FANCE: variants seen among roughly 807,000 people sequenced by gnomAD.
FANCE encodes Fanconi anemia group E protein.
FANCE carries 42 observed loss-of-function variants against 57.8 expected under a neutral mutation model. That is an observed-to-expected ratio of 0.73 (90% confidence interval 0.57 to 0.94). FANCE has a LOEUF of 0.94. Among genes scored for constraint, FANCE ranks in the 40% least tolerant of loss-of-function variants. The pLI, the probability that FANCE is intolerant of heterozygous loss-of-function variation, is 0.00. For missense variants in FANCE, 608 were observed against 661.8 expected, an observed-to-expected ratio of 0.92 and a Z score of 0.89; for synonymous variants, 251 against 286.4, an observed-to-expected ratio of 0.88 and a Z score of 1.25.
At position 35,462,790 on chromosome 6, in the gene FANCE, T is replaced by C; in HGVS notation, c.1385T>C (p.Val462Ala). The C allele has an allele frequency of 6.2e-7, 1 of 1,614,036 alleles. No homozygotes were observed. Among genetic ancestry groups the C allele is most frequent in the Non-Finnish European group, 8.5e-7 (1 of 1,179,954 alleles). Reference protein sequence around the residue: ...LVLQSLLERQVEMTPEKFSVL... With the variant: ...LVLQSLLERQAEMTPEKFSVL... ...TGCTCCATCTCCCAATGTGTGCAGG[T>C]GGAGATGACCCCTGAGAAGTTCAGT... The change falls in exon 9 of 10, where the codon GTG becomes GCG. Residue 462 changes from valine to alanine, a missense_variant and splice_region_variant. Transcript: ENST00000229769.
rs1433199470 is a variant in FANCE at position 35,466,806 on chromosome 6, G to A, written c.*461G>A. 7.0e-6 allele frequency: 2 copies of A among 284,196 alleles called. No individual in the cohort carries two copies. The highest frequency in any genetic ancestry group is 1.3e-5 in the Non-Finnish European group (2 of 148,726). 17.6% of individuals were successfully genotyped at this position (284,196 alleles called of 1,614,324 possible). On this transcript the variant is annotated 3_prime_UTR_variant, in exon 10 of 10. Coordinates refer to ENST00000229769, the MANE Select transcript of FANCE (RefSeq NM_021922.3). ...GAGCTCAAGTGATCTTCCTGCCTTG[G>A]CACCCAAAGTGTTGAGATTTACAGG...
intron 9 of FANCE, among the ~76,000 whole-genome samples, chr6:35,463,996 G>A (rs1333257106): frequency 6.6e-6 from 1 of 151,970 alleles, no homozygotes; most frequent in East Asian, 1.9e-4. Context: ...TGGTAGTCAA[G>A]AGCCAGAGAT....
At chr6:35,462,322 G>A (rs1767625886) in intron 8 of FANCE, among the ~76,000 whole-genome samples, 1 of 151,534 alleles carries the variant, frequency 6.6e-6, no homozygotes, top group South Asian at 2.1e-4. Context: ...GGCCAGGCTG[G>A]TCTGGAACTC....
chr6:35,464,553 A>T (rs993070417), intron 9 of FANCE, among the ~76,000 whole-genome samples: 12 of 148,698 alleles, frequency 8.1e-5, no homozygotes, highest in Non-Finnish European at 1.8e-4. Context: ...GGGTCTTCTT[A>T]TGTTGCCCAG....
rs1419380182 is a variant in FANCE, at chr6:35,456,204, C to T, written c.706C>T (p.His236Tyr). 2 of 1,614,186 alleles carry T rather than the reference C, an allele frequency of 1.2e-6. No homozygotes were observed. Among genetic ancestry groups the T allele is most frequent in the Admixed American group, 1.7e-5 (1 of 60,030 alleles). ...EEDHEKERPEHKSLESLADGG... is the reference protein window; with the variant it reads ...EEDHEKERPEYKSLESLADGG... ...AGATCATGAGAAGGAGAGACCCGAA[C>T]ATAAGTCACTGGAATCCCTGGCAGA... Residue 236 changes from histidine to tyrosine, a missense_variant, in exon 2 of 10, where the codon CAT becomes TAT. Physicochemically the swap from His to Tyr is moderately conservative, Grantham distance 83. Coordinates refer to ENST00000229769, the MANE Select transcript of FANCE (RefSeq NM_021922.3). This position sits in a 1 kb window ranked among gnomAD's most constrained non-coding sequence, Gnocchi z 4.3.
Position 35,459,099 on chromosome 6 carries a change from C to G in FANCE, c.1114-232C>G, listed in dbSNP as rs370505026. Among the ~76,000 whole-genome samples the G allele has an allele frequency of 7.1e-4, 108 of 152,258 alleles. No individual in the cohort carries two copies. The South Asian group carries it at 8.7e-3, about 12-fold the overall frequency. On this transcript the variant is annotated intron_variant, in intron 5 of 9. Coordinates refer to ENST00000229769, the MANE Select transcript of FANCE (RefSeq NM_021922.3). ...CATGCCCAGCTGGCATCTAACTTCTCTTTGGGCACCAGAACCCTTCTAGAA... is the reference window on the plus strand; with the variant it reads ...CATGCCCAGCTGGCATCTAACTTCTGTTTGGGCACCAGAACCCTTCTAGAA...
chr6:35,459,690 C>CA lies in FANCE; in HGVS notation c.1249dup (p.Thr417AsnfsTer51). On this transcript the variant is annotated frameshift_variant, in exon 7 of 10. Coordinates refer to ENST00000229769, the MANE Select transcript of FANCE (RefSeq NM_021922.3). LOFTEE classifies it high-confidence loss of function. ...TGCTGTCCTCTACCCAGGTCCTGCT[C>CA]AAACAGAGTTACTGTGTTGCCTTGT... 1 of 1,614,114 alleles carries CA rather than the reference C, an allele frequency of 6.2e-7. No homozygotes were observed. Among genetic ancestry groups the CA allele is most frequent in the Non-Finnish European group, 8.5e-7 (1 of 1,179,990 alleles).
Position 35,455,503 on chromosome 6 carries a change from GT to G in FANCE, c.249-241del, listed in dbSNP as rs551351235. Among the ~76,000 whole-genome samples, 592 of 152,178 alleles carry G rather than the reference GT, an allele frequency of 3.9e-3. 3 individuals carry two copies. Among genetic ancestry groups the G allele is most frequent in the Non-Finnish European group, 5.6e-3 (380 of 68,020 alleles). On this transcript the variant is annotated intron_variant, in intron 1 of 9. Coordinates refer to ENST00000229769, the MANE Select transcript of FANCE (RefSeq NM_021922.3). ...TTGTATTTTTTTTAGTAGAGACGGA[GT>G]TTCACCATGTTGGCCATGCAGGTCT... is the stretch of plus-strand genomic sequence containing the variant.
At chr6:35,454,719 G>T (rs1430607333) in intron 1 of FANCE, among the ~76,000 whole-genome samples, 1 of 152,210 alleles carries the variant, frequency 6.6e-6, no homozygotes, top group East Asian at 1.9e-4. Context: ...TTAAACTCCT[G>T]GGGCTCCAAA....
In FANCE at chr6:35,466,561, C is replaced by T. The variant is rs79295372; in HGVS notation, c.*216C>T. 1.2e-5 allele frequency: 6 copies of T among 502,618 alleles called. No homozygotes were observed. The highest frequency in any genetic ancestry group is 9.7e-5 in the African/African-American group (3 of 30,778). The allele number at this position is 502,618 out of a possible 1,614,324, so 31.1% of individuals were successfully genotyped here. A position where few individuals can be genotyped will look rare whatever the true frequency, so the allele number is the denominator to read the frequency against. On this transcript the variant is annotated 3_prime_UTR_variant, in exon 10 of 10. Transcript: ENST00000229769. ...GGCTAAGGGAGCTCAGCTATATTTT[C>T]TTTTTCATTTCTTTTGTTTTTGAGA...
At chr6:35,463,171 C>T (rs974632231) in intron 9 of FANCE, among the ~76,000 whole-genome samples, 3 of 152,086 alleles carry the variant, frequency 2.0e-5, no homozygotes, top group Non-Finnish European at 4.4e-5. Context: ...TGGTGGTGCA[C>T]GCCTATAATC....
chr6:35,458,565 C>A, intron 5 of FANCE, 125 bp downstream of exon 5: 2 of 1,224,658 alleles, frequency 1.6e-6, no homozygotes, highest in Non-Finnish European at 2.4e-6. Context: ...TTTGGGCAGC[C>A]TGGGGCAAGG....
At chr6:35,455,695 T>G in intron 1 of FANCE, 52 bp from the exon 2 acceptor site, 2 of 1,607,236 alleles carry the variant, frequency 1.2e-6, no homozygotes, top group Non-Finnish European at 1.7e-6. Flanking sequence ...CAGTCTGCCT[T>G]GTGCTCCCTT....
At chr6:35,460,434 G>T in intron 7 of FANCE, 118 bp from the exon 8 acceptor site, 2 of 999,376 alleles carry the variant, frequency 2.0e-6, no homozygotes, top group Non-Finnish European at 1.6e-6. Context: ...CCCCTTTGTT[G>T]GCTGGGGATC....
chr6:35,457,588 G>C lies in FANCE; in HGVS notation c.888G>C (p.Lys296Asn), dbSNP rs918032885. 7 of 1,613,788 alleles carry C rather than the reference G, an allele frequency of 4.3e-6. No individual in the cohort carries two copies. Among genetic ancestry groups the C allele is most frequent in the Non-Finnish European group, 5.9e-6 (7 of 1,180,028 alleles). Residue 296 changes from lysine to asparagine, a missense_variant, in exon 3 of 10, where the codon AAG (lysine) becomes AAC (asparagine). Coordinates refer to ENST00000229769, the MANE Select transcript of FANCE (RefSeq NM_021922.3). ...DQLPRLQQLL[K>N]TLEEGLEGLE... ...TTCCCAGGCTGCAGCAGCTGCTGAAGACCTTGGAGGAGGTGACTGGCCCCA... is the reference window on the plus strand; with the variant it reads ...TTCCCAGGCTGCAGCAGCTGCTGAACACCTTGGAGGAGGTGACTGGCCCCA...
intron 1 of FANCE, among the ~76,000 whole-genome samples, chr6:35,454,627 T>C (rs966856891): frequency 2.0e-5 from 3 of 152,222 alleles, no homozygotes; most frequent in Non-Finnish European, 2.9e-5. Flanking sequence ...CATTGCATCA[T>C]GGGCCTCTGG....
At chr6:35,458,276 C>G in intron 4 of FANCE, 21 bp from the exon 5 acceptor site, 2 of 1,612,472 alleles carry the variant, frequency 1.2e-6, no homozygotes, top group Non-Finnish European at 1.7e-6. Context: ...TGTCCTCTCT[C>G]CCCCCGCACT....
chr6:35,466,128 TCTC>T (rs927069400), intron 9 of FANCE, 113 bp from the exon 10 acceptor site: 12 of 760,272 alleles, frequency 1.6e-5, no homozygotes, highest in African/African-American at 1.5e-4. Context: ...TGCTCAGGAG[TCTC>T]CTCCTCTTTC....
Position 35,459,666 on chromosome 6 carries a change from G to C in FANCE, c.1238-16G>C. The C allele has an allele frequency of 5.6e-6, 9 of 1,613,694 alleles. No individual in the cohort carries two copies. The highest frequency in any genetic ancestry group is 7.6e-6 in the Non-Finnish European group (9 of 1,179,632). Reference sequence around the variant, plus strand: ...CATTTCCCCCCAGACTTCCCCTTCTGCTGTCCTCTACCCAGGTCCTGCTCA... The same window carrying C: ...CATTTCCCCCCAGACTTCCCCTTCTCCTGTCCTCTACCCAGGTCCTGCTCA... On this transcript the variant is annotated splice_polypyrimidine_tract_variant and intron_variant, in intron 6 of 9. Coordinates refer to ENST00000229769, the MANE Select transcript of FANCE (RefSeq NM_021922.3).
Sources: allele counts gnomAD v4.1 joint callset (sites outside exome capture counted in the v4.1 genomes callset), GRCh38; gene constraint gnomAD v4.1.1; non-coding constraint Gnocchi (gnomAD v3.1); transcripts MANE v1.5; gene names NCBI Gene and HGNC (gene_info 2026-07-23, HGNC 2026-07-21).